TRPM8: variants seen among roughly 807,000 people sequenced by gnomAD.
TRPM8 encodes transient receptor potential cation channel subfamily M member 8, also known as TRPM8 cationic channel.
Under a neutral mutation model 133.7 loss-of-function variants are expected in TRPM8, and 110 were observed. That is an observed-to-expected ratio of 0.82 (90% CI 0.70 to 0.96). TRPM8 has a LOEUF of 0.96. TRPM8 is among the 40% of genes least tolerant of loss of function. The probability of loss-of-function intolerance (pLI) is 0.00; values close to 1 mark genes in which losing one functional copy is unlikely to be tolerated. For synonymous variants in TRPM8, 535 were observed against 532.3 expected, an observed-to-expected ratio of 1.01 and a Z score of -0.07; for missense variants, 1,291 against 1,379.5, an observed-to-expected ratio of 0.94 and a Z score of 1.02.
At chr2:233,977,676 G>A (rs1225611595) in intron 17 of TRPM8, among the ~76,000 whole-genome samples, 1 of 152,196 alleles carries the variant, frequency 6.6e-6, no homozygotes, top group African/African-American at 2.4e-5. Context: ...CGAGGAGCCT[G>A]CCTTGGTTTC....
intron 2 of TRPM8, among the ~76,000 whole-genome samples, chr2:233,927,916 CTCTCTCTT>C (rs1198842377): frequency 0.011 from 360 of 32,856 alleles, 26 homozygotes; most frequent in South Asian, 0.014. Context: ...CTTTCTCTCT[CTCTCTCTT>C]TCTCTCTCTC....
intron 1 of TRPM8, among the ~76,000 whole-genome samples, chr2:233,918,276 G>GCTGTTTATT (rs1691341574): frequency 6.7e-6 from 1 of 150,366 alleles, no homozygotes; most frequent in Non-Finnish European, 1.5e-5. Flanking sequence ...TTGGAAAAAA[G>GCTGTTTATT]CTGTTTATTA....
intron 9 of TRPM8, among the ~76,000 whole-genome samples, 186 bp downstream of exon 9, chr2:233,950,332 A>G (rs1437890252): frequency 6.6e-6 from 1 of 152,178 alleles, no homozygotes; most frequent in East Asian, 1.9e-4. Context: ...ACCAAGTGTG[A>G]TATTTGTACT....
Position 233,985,778 on chromosome 2 carries a change from T to TCC in TRPM8, c.2855_2856dup (p.Glu953ProfsTer74). On this transcript the variant is annotated frameshift_variant, in exon 21 of 26. Transcript: ENST00000324695. LOFTEE classifies it high-confidence loss of function. ...CTGGATGAGCACAACCTGCCCCGGT[T>TCC]CCCCGAGTGGATCACCATCCCCCTG... The TCC allele has an allele frequency of 6.2e-7, 1 of 1,614,166 alleles. No individual in the cohort carries two copies.
intron 1 of TRPM8, among the ~76,000 whole-genome samples, chr2:233,924,675 G>A (rs1691476506): frequency 6.6e-6 from 1 of 152,126 alleles, no homozygotes; most frequent in Admixed American, 6.5e-5. Flanking sequence ...TCTCTTAAAT[G>A]GCTTCCCAAT....
rs1690832878 is a variant in TRPM8 at position 233,939,011 on chromosome 2, C to A, written c.362C>A (p.Ser121Tyr). ...LGKKGKYIRLSCDTDAEILYE... is the reference protein window; with the variant it reads ...LGKKGKYIRLYCDTDAEILYE... ...CTCTCCCCATAGTATATACGTCTGT[C>A]CTGCGACACGGACGCGGAAATCCTT... Residue 121 changes from serine (S) to tyrosine (Y), a missense_variant, in exon 5 of 26, where the codon TCC becomes TAC. Around this residue, in one of 2 missense-constraint regions of TRPM8, gnomAD observed 963 missense variants for 968.9 expected, o/e 0.99. Coordinates refer to ENST00000324695, the MANE Select transcript of TRPM8 (RefSeq NM_024080.5). 1 of 1,614,214 alleles carries A rather than the reference C, an allele frequency of 6.2e-7. No individual in the cohort carries two copies. The highest frequency in any genetic ancestry group is 8.5e-7 in the Non-Finnish European group (1 of 1,180,046).
intron 9 of TRPM8, among the ~76,000 whole-genome samples, chr2:233,953,068 C>T (rs1691206508): frequency 6.6e-6 from 1 of 152,180 alleles, no homozygotes; most frequent in Admixed American, 6.5e-5. Context: ...CTGCAGTTTT[C>T]ATTCATTTCC....
Position 233,960,887 on chromosome 2 carries a change from GT to G in TRPM8, c.1475del (p.Val492AlafsTer57). 1 of 1,614,146 alleles carries G rather than the reference GT, an allele frequency of 6.2e-7. No homozygotes were observed. On this transcript the variant is annotated frameshift_variant, in exon 12 of 26. Transcript: ENST00000324695. LOFTEE classifies it high-confidence loss of function. ...CCTACGGAAGTTTCTCACCCATGATGTCCTCACTGAACTCTTCTCCAACCAC... is the reference window on the plus strand; with the variant it reads ...CCTACGGAAGTTTCTCACCCATGATGCCTCACTGAACTCTTCTCCAACCAC... The part of the protein sequence containing the change: ...LNLRKFLTHD[V>X]LTELFSNHFS...
chr2:234,018,135 A>G lies in TRPM8; in HGVS notation c.*879A>G, dbSNP rs200384765. The G allele has an allele frequency of 6.6e-6, 1 of 152,084 alleles. No homozygotes were observed. The highest frequency in any genetic ancestry group is 2.4e-5 in the African/African-American group (1 of 41,426). 9.4% of individuals were successfully genotyped at this position (152,084 alleles called of 1,614,324 possible). A position where few individuals can be genotyped will look rare whatever the true frequency, so the allele number is the denominator to read the frequency against. On this transcript the variant is annotated 3_prime_UTR_variant, in exon 26 of 26. Transcript: ENST00000324695. ...TTTCAAGTCTATTTTTTTTCTATGTATGTCTCAATTCTCTTTCAAAATTTT... is the reference window on the plus strand; with the variant it reads ...TTTCAAGTCTATTTTTTTTCTATGTGTGTCTCAATTCTCTTTCAAAATTTT...
intron 25 of TRPM8, among the ~76,000 whole-genome samples, chr2:234,015,519 C>G (rs1692937318): frequency 6.6e-6 from 1 of 152,208 alleles, no homozygotes; most frequent in African/African-American, 2.4e-5. Context: ...ACACTGACCA[C>G]TGTCTATGCA....
Position 233,964,852 on chromosome 2 carries a change from G to A in TRPM8, c.1879+95G>A, listed in dbSNP as rs1010237613. On this transcript the variant is annotated intron_variant, in intron 14 of 25. Coordinates refer to ENST00000324695, the MANE Select transcript of TRPM8 (RefSeq NM_024080.5). ...CTCATAGACCAGATGGTGGAGGTCC[G>A]TGGCATGTCCAAGCTCCCCAGTCTG... 93 of 1,348,188 alleles carry A rather than the reference G, an allele frequency of 6.9e-5. 1 individual carries two copies. In the Middle Eastern group the frequency reaches 1.1e-3, roughly 15 times the overall value. 83.5% of individuals were successfully genotyped at this position (1,348,188 alleles called of 1,614,324 possible). A position where few individuals can be genotyped will look rare whatever the true frequency, so the allele number is the denominator to read the frequency against.
chr2:233,936,444 G>A (rs547069139), intron 3 of TRPM8, among the ~76,000 whole-genome samples: 1 of 152,304 alleles, frequency 6.6e-6, no homozygotes, highest in East Asian at 1.9e-4. Context: ...AGAAGATCTC[G>A]TGTTCATTTA....
intron 20 of TRPM8, 47 bp from the exon 21 acceptor site, chr2:233,985,628 GCCATCGCTCTCAC>G (rs1361950149): frequency 6.6e-7 from 1 of 1,503,962 alleles, no homozygotes; most frequent in Admixed American, 1.7e-5. Flanking sequence ...CCCTGGGAAT[GCCATCGCTCTCAC>G]CCCTCCAGAG....
chr2:233,926,399 G>A lies in TRPM8; in HGVS notation c.-5-134G>A. The A allele has an allele frequency of 1.3e-5, 9 of 690,278 alleles. 1 individual carries two copies. The South Asian group carries it at 1.5e-4, about 12-fold the overall frequency. 42.8% of individuals were successfully genotyped at this position (690,278 alleles called of 1,614,324 possible). On this transcript the variant is annotated intron_variant, in intron 1 of 25. Coordinates refer to ENST00000324695, the MANE Select transcript of TRPM8 (RefSeq NM_024080.5). ...GGGCAGAGGCACAATGACCATGGTGGGCCGAATGGAGCATGGGACATTGCA... is the reference window on the plus strand; with the variant it reads ...GGGCAGAGGCACAATGACCATGGTGAGCCGAATGGAGCATGGGACATTGCA...
At chr2:233,925,631 A>C (rs1691499292) in intron 1 of TRPM8, among the ~76,000 whole-genome samples, 1 of 152,068 alleles carries the variant, frequency 6.6e-6, no homozygotes. Flanking sequence ...AGAGCCTTGG[A>C]AGGGGTGAGG....
intron 21 of TRPM8, among the ~76,000 whole-genome samples, chr2:233,987,715 T>C (rs925521768): frequency 3.3e-5 from 5 of 152,220 alleles, no homozygotes; most frequent in Admixed American, 6.5e-5. Context: ...GAATGGTAGC[T>C]CCCATAATTC....
Position 234,019,272 on chromosome 2 carries a change from G to C in TRPM8, c.*2016G>C, listed in dbSNP as rs1693034933. 1.3e-5 allele frequency: 2 copies of C among 152,296 alleles called. No homozygotes were observed. Among genetic ancestry groups the C allele is most frequent in the African/African-American group, 4.8e-5 (2 of 41,576 alleles). 9.4% of individuals were successfully genotyped at this position (152,296 alleles called of 1,614,324 possible). A position where few individuals can be genotyped will look rare whatever the true frequency, so the allele number is the denominator to read the frequency against. Reference sequence around the variant, plus strand: ...ATACTGAGAAGCAACTTGCATTAGAGAGGGAACTGTTAAATGTTTTCAACC... The same window carrying C: ...ATACTGAGAAGCAACTTGCATTAGACAGGGAACTGTTAAATGTTTTCAACC... On this transcript the variant is annotated 3_prime_UTR_variant, in exon 26 of 26. Transcript: ENST00000324695.
intron 25 of TRPM8, 53 bp downstream of exon 25, chr2:234,014,707 G>T: frequency 1.5e-6 from 1 of 656,982 alleles, no homozygotes; most frequent in Non-Finnish European, 2.5e-6. Flanking sequence ...CATCTTTTAA[G>T]ACTAATTTAA....
chr2:233,976,660 T>C (rs1182509893), intron 17 of TRPM8, among the ~76,000 whole-genome samples: 1 of 152,166 alleles, frequency 6.6e-6, no homozygotes, highest in Non-Finnish European at 1.5e-5. Flanking sequence ...AAGAACGATC[T>C]TTGAGTGGGC....
Sources: gnomAD v4.1 joint callset for allele counts (sites outside exome capture counted in the v4.1 genomes callset) on GRCh38, gnomAD v4.1.1 for gene constraint, gnomAD v4.1.1 regional missense constraint, MANE v1.5 for transcripts, NCBI Gene and HGNC (gene_info 2026-07-23, HGNC 2026-07-21) for gene names.